The following CDKL4 variants were observed in gnomAD, a reference collection of about 807,000 sequenced individuals.
CDKL4 encodes cyclin-dependent kinase-like 4.
A neutral mutation model predicts 42.0 loss-of-function variants in CDKL4; 44 were observed. That is an observed-to-expected ratio of 1.05 (90% confidence interval 0.82 to 1.35). The LOEUF (loss-of-function observed/expected upper bound fraction) is 1.35, where lower values mean the gene tolerates loss of function less well. Ranked by LOEUF, CDKL4 falls within the 40% of genes most tolerant of loss-of-function variation. The pLI is 0.00. For synonymous variants in CDKL4, 120 were observed against 121.6 expected, an observed-to-expected ratio of 0.99 and a Z score of 0.09; for missense variants, 393 against 369.9, an observed-to-expected ratio of 1.06 and a Z score of -0.51.
At chr2:39,192,987 G>T (rs999585492) in intron 5 of CDKL4, among the ~76,000 whole-genome samples, 2 of 151,818 alleles carry the variant, frequency 1.3e-5, no homozygotes, top group African/African-American at 4.8e-5. Context: ...AATCAGCCAG[G>T]CATGGTAGCA....
intron 3 of CDKL4, among the ~76,000 whole-genome samples, chr2:39,215,505 G>A (rs1015381908): frequency 6.6e-6 from 1 of 152,100 alleles, no homozygotes; most frequent in Admixed American, 6.5e-5. Flanking sequence ...TTTACTAAAT[G>A]TCAACTGTAA....
chr2:39,170,835 AT>A (rs988647197), downstream of CDKL4, among the ~76,000 whole-genome samples: 121 of 151,882 alleles, frequency 8.0e-4, no homozygotes, highest in African/African-American at 1.9e-3. Context: ...TTAAAAAAAA[AT>A]TTTTTTTTGA....
chr2:39,179,119 G>C, intron 9 of CDKL4, 68 bp downstream of exon 9: 1 of 1,557,608 alleles, frequency 6.4e-7, no homozygotes. Flanking sequence ...GTCTCACTTT[G>C]AAAGGCAGAC....
intron 3 of CDKL4, among the ~76,000 whole-genome samples, chr2:39,214,466 T>C (rs1677793973): frequency 6.6e-6 from 1 of 152,190 alleles, no homozygotes; most frequent in South Asian, 2.1e-4. Flanking sequence ...TTACTTAGTC[T>C]CTATTGATGA....
At chr2:39,210,709 C>A in intron 4 of CDKL4, among the ~76,000 whole-genome samples, 1 of 152,064 alleles carries the variant, frequency 6.6e-6, no homozygotes, top group Middle Eastern at 3.2e-3. Context: ...TTTTAACTAC[C>A]CATAAAACTC....
intron 3 of CDKL4, among the ~76,000 whole-genome samples, chr2:39,215,934 A>T (rs1677890816): frequency 6.6e-6 from 1 of 152,154 alleles, no homozygotes; most frequent in Admixed American, 6.6e-5. Context: ...AGCACTGAAT[A>T]CTGATATAAC....
At chr2:39,210,408 G>A (rs1677519588) in intron 4 of CDKL4, among the ~76,000 whole-genome samples, 1 of 152,096 alleles carries the variant, frequency 6.6e-6, no homozygotes, top group South Asian at 2.1e-4. Context: ...CAGTTGCGTT[G>A]GTCTACAATA....
At chr2:39,240,186 A>T (rs1364606831) in intron 1 of CDKL4, among the ~76,000 whole-genome samples, 1 of 149,152 alleles carries the variant, frequency 6.7e-6, no homozygotes, top group African/African-American at 2.5e-5. Context: ...GAGACAGGCG[A>T]ATCACCTGAG....
At chr2:39,190,563 G>A in intron 5 of CDKL4, 61 bp from the exon 6 acceptor site, 1 of 1,404,630 alleles carries the variant, frequency 7.1e-7, no homozygotes, top group Non-Finnish European at 1.0e-6. Flanking sequence ...CTGCTCCCAA[G>A]AACACATCAG....
intron 8 of CDKL4, among the ~76,000 whole-genome samples, chr2:39,182,821 A>C (rs184478747): frequency 1.3e-5 from 2 of 152,216 alleles, no homozygotes; most frequent in African/African-American, 2.4e-5. Flanking sequence ...TTTAAACCTA[A>C]TGAAGAGAAC....
intron 9 of CDKL4, among the ~76,000 whole-genome samples, chr2:39,177,800 T>C (rs1355236833): frequency 6.6e-6 from 1 of 151,854 alleles, no homozygotes; most frequent in Non-Finnish European, 1.5e-5. Flanking sequence ...GCAAGTCTCC[T>C]GCCTCAGCCT....
chr2:39,179,431 C>A (rs7566123), intron 8 of CDKL4, 110 bp from the exon 9 acceptor site: 804,486 of 875,598 alleles, frequency 0.92, 370,629 homozygotes, highest in Non-Finnish European at 0.94. Context: ...GAAAATCTTC[C>A]AGTTTGTGTA....
chr2:39,230,400 A>C (rs1052665973), intron 1 of CDKL4, among the ~76,000 whole-genome samples: 1 of 152,198 alleles, frequency 6.6e-6, no homozygotes, highest in African/African-American at 2.4e-5. Context: ...CCTAGCTTTT[A>C]TTTTCATGGA....
chr2:39,186,004 A>C lies in CDKL4; in HGVS notation c.736-1357T>G, dbSNP rs374191197. Among the ~76,000 whole-genome samples, 215 of 152,280 alleles carry C rather than the reference A, an allele frequency of 1.4e-3. 1 individual carries two copies. The highest frequency in any genetic ancestry group is 4.9e-3 in the African/African-American group (204 of 41,570). On this transcript the variant is annotated intron_variant, in intron 7 of 9. Coordinates refer to ENST00000451199, the Ensembl canonical transcript of CDKL4. Reference sequence around the variant, plus strand: ...TACATTGGACTACATGCATAAGAGCACTACAGAAATCAAAAGAATGAAAAA... The same window carrying C: ...TACATTGGACTACATGCATAAGAGCCCTACAGAAATCAAAAGAATGAAAAA...
chr2:39,241,771 T>C (rs1180186854), intron 1 of CDKL4, among the ~76,000 whole-genome samples: 1 of 152,222 alleles, frequency 6.6e-6, no homozygotes, highest in Non-Finnish European at 1.5e-5. Flanking sequence ...TGTTAACGAC[T>C]TCCTTTCACC....
rs372592896 is a variant in CDKL4 at position 39,215,635 on chromosome 2, T to C, written c.291-2163A>G. Among the ~76,000 whole-genome samples the C allele has an allele frequency of 2.9e-3, 442 of 152,346 alleles. 2 individuals are homozygous for C. The highest frequency in any genetic ancestry group is 9.5e-3 in the African/African-American group (395 of 41,586). ...ATATATTTAGATCACTTTTTAAAAA[T>C]TGAACATGTGCAGATGTAGCTGACT... On this transcript the variant is annotated intron_variant, in intron 3 of 9. Transcript: ENST00000451199.
chr2:39,187,645 T>A, exon 7 of CDKL4: 22 of 1,612,376 alleles, frequency 1.4e-5, no homozygotes, highest in Non-Finnish European at 1.9e-5. Flanking sequence ...CTGGCTCAGG[T>A]ATACTGATGC....
chr2:39,175,528 G>C (rs1675129590), downstream of CDKL4: 1 of 153,352 alleles, frequency 6.5e-6, no homozygotes, highest in South Asian at 2.0e-4. Flanking sequence ...CACAGAATAA[G>C]ATACCAGCAT....
At chr2:39,172,877 T>C (rs1416886507), downstream of CDKL4, among the ~76,000 whole-genome samples, 1 of 152,156 alleles carries the variant, frequency 6.6e-6, no homozygotes, top group Non-Finnish European at 1.5e-5. Flanking sequence ...CCACTGCACC[T>C]GGCCTGTTTA....
Sources: gnomAD v4.1 joint callset for allele counts (sites outside exome capture counted in the v4.1 genomes callset) on GRCh38, gnomAD v4.1.1 for gene constraint, MANE v1.5 for transcripts, NCBI Gene and HGNC (gene_info 2026-07-23, HGNC 2026-07-21) for gene names.